Variants in INSC observed in about 807,000 individuals in gnomAD.
The protein encoded by INSC is protein inscuteable homolog.
In INSC, 67 loss-of-function variants were observed where a neutral mutation model predicts 58.6. The ratio of observed to expected loss-of-function variants is 1.14; its 90% CI spans 0.94 to 1.40. INSC has a LOEUF of 1.40. Ranked by LOEUF, INSC falls within the 40% of genes most tolerant of loss-of-function variation. The pLI, the probability that INSC is intolerant of heterozygous loss-of-function variation, is 0.00. For missense variants in INSC, 714 were observed against 692.0 expected (o/e 1.03, Z -0.36); for synonymous variants, 262 against 276.1 (o/e 0.95, Z 0.51).
chr11:15,121,861 A>G (rs1434660847), intron 1 of INSC, among the ~76,000 whole-genome samples: 3 of 152,146 alleles, frequency 2.0e-5, no homozygotes, highest in Non-Finnish European at 2.9e-5. Context: ...AAACTTGATT[A>G]GTGGGAGGCT....
Position 15,180,891 on chromosome 11 carries a change from A to G in INSC, c.579+2444A>G, listed in dbSNP as rs189822969. On this transcript the variant is annotated intron_variant, in intron 5 of 12. Coordinates refer to ENST00000379556, the MANE Select transcript of INSC (RefSeq NM_001042536.3). ...ATCTTTGGCTTCTTTTTATATTAGA[A>G]AGTTTCCATACAGGGCAGCAGTGAC... 2.0e-5 allele frequency among the ~76,000 whole-genome samples: 3 copies of G among 152,266 alleles called. No individual in the cohort carries two copies. In the East Asian group the frequency reaches 5.8e-4, roughly 29 times the overall value.
chr11:15,147,540 C>A (rs144819026), intron 1 of INSC, among the ~76,000 whole-genome samples: 1 of 152,134 alleles, frequency 6.6e-6, no homozygotes, highest in Non-Finnish European at 1.5e-5. Flanking sequence ...TATTATTATC[C>A]TCAGTTACAG....
At chr11:15,159,503 G>T (rs559808384) in intron 2 of INSC, among the ~76,000 whole-genome samples, 150 of 152,318 alleles carry the variant, frequency 9.8e-4, no homozygotes, top group Non-Finnish European at 1.5e-3. Flanking sequence ...CCATGTTACT[G>T]CCATGAAAAT....
At chr11:15,178,492 T>C (rs1179844863) in intron 5 of INSC, 45 bp downstream of exon 5, 1 of 1,586,064 alleles carries the variant, frequency 6.3e-7, no homozygotes, top group Non-Finnish European at 8.5e-7. Context: ...GTGTGGACCC[T>C]TGGAGGAAAG....
intron 1 of INSC, among the ~76,000 whole-genome samples, chr11:15,140,771 G>A (rs1490272616): frequency 2.0e-5 from 3 of 151,748 alleles, no homozygotes; most frequent in African/African-American, 7.3e-5. Flanking sequence ...TTTTTGTAGA[G>A]ATGGGGTCTT....
chr11:15,125,522 A>C (rs534921930), intron 1 of INSC, among the ~76,000 whole-genome samples: 3 of 152,134 alleles, frequency 2.0e-5, no homozygotes, highest in African/African-American at 7.2e-5. Context: ...GGTGGCTAGG[A>C]CCAAGGTCCA....
upstream of INSC, chr11:15,112,647 TGGGGG>T: frequency 8.9e-6 from 1 of 112,230 alleles, no homozygotes; most frequent in Non-Finnish European, 1.5e-5. Context: ...TATTGGGAAG[TGGGGG>T]GGGGGCATTT....
chr11:15,186,531 C>G (rs1849975290), intron 5 of INSC, among the ~76,000 whole-genome samples: 1 of 152,190 alleles, frequency 6.6e-6, no homozygotes, highest in Non-Finnish European at 1.5e-5. Flanking sequence ...AGTTTGGGGT[C>G]TGTCAAAATA....
At chr11:15,257,347 C>T in the INSC span, among the ~76,000 whole-genome samples, 206 of 152,114 alleles carry the variant, frequency 1.4e-3, 2 homozygotes, top group African/African-American at 4.7e-3. Context: ...AGTTTGTCAT[C>T]TAAGTATATC....
At position 15,114,930 on chromosome 11, in the gene INSC, G is replaced by A; in HGVS notation, c.-119G>A. 10 of 985,440 alleles carry A rather than the reference G, an allele frequency of 1.0e-5. No homozygotes were observed. The highest frequency in any genetic ancestry group is 1.7e-5 in the African/African-American group (1 of 57,352). The allele number at this position is 985,440 out of a possible 1,614,324, so 61.0% of individuals were successfully genotyped here. A position where few individuals can be genotyped will look rare whatever the true frequency, so the allele number is the denominator to read the frequency against. On this transcript the variant is annotated 5_prime_UTR_variant, in exon 1 of 13. Coordinates refer to ENST00000379556, the MANE Select transcript of INSC (RefSeq NM_001042536.3). ...TGGGCCGGCAGAGCGGCCACTTTGCGCGCGGCCTCTGGAGCTCCAGCTGCG... is the reference window on the plus strand; with the variant it reads ...TGGGCCGGCAGAGCGGCCACTTTGCACGCGGCCTCTGGAGCTCCAGCTGCG...
Position 15,221,427 on chromosome 11 carries a change from A to G in INSC, c.820-50A>G, listed in dbSNP as rs777200822. On this transcript the variant is annotated intron_variant, in intron 7 of 12. Coordinates refer to ENST00000379556, the MANE Select transcript of INSC (RefSeq NM_001042536.3). ...TATCTGTCTCATTAATGTCATGGGC[A>G]GTGGTGTCCACCCAGGATGCACAGG... 3.9e-6 allele frequency: 6 copies of G among 1,555,178 alleles called. No individual in the cohort carries two copies. In the African/African-American group the frequency reaches 6.8e-5, roughly 18 times the overall value.
At chr11:15,241,365 A>C (rs946410999) in intron 12 of INSC, among the ~76,000 whole-genome samples, 3 of 152,168 alleles carry the variant, frequency 2.0e-5, no homozygotes, top group African/African-American at 7.2e-5. Flanking sequence ...TCCTCAGCCC[A>C]TTTTGAGCTG....
At chr11:15,128,815 C>T (rs1005220241) in intron 1 of INSC, among the ~76,000 whole-genome samples, 2 of 152,214 alleles carry the variant, frequency 1.3e-5, no homozygotes, top group African/African-American at 2.4e-5. Context: ...GCAGCAAGCC[C>T]TCTGTGGCAG....
At chr11:15,161,543 T>C (rs146887313) in intron 2 of INSC, among the ~76,000 whole-genome samples, 1 of 152,176 alleles carries the variant, frequency 6.6e-6, no homozygotes, top group East Asian at 1.9e-4. Context: ...ACAGGAGGCA[T>C]TTTGTAGAGC....
chr11:15,200,449 C>T (rs1042241507), intron 6 of INSC, among the ~76,000 whole-genome samples: 7 of 152,092 alleles, frequency 4.6e-5, no homozygotes, highest in African/African-American at 1.7e-4. Context: ...GACCTGCTTC[C>T]TGTGACTCCA....
intron 9 of INSC, among the ~76,000 whole-genome samples, chr11:15,230,995 T>G (rs1851903876): frequency 6.6e-6 from 1 of 152,154 alleles, no homozygotes; most frequent in Admixed American, 6.5e-5. Context: ...GTCAGTGCCC[T>G]TCTCCTAGTC....
Position 15,230,115 on chromosome 11 carries a change from G to A in INSC, c.1170+4287G>A, listed in dbSNP as rs535090258. Among the ~76,000 whole-genome samples, 57 of 138,358 alleles carry A rather than the reference G, an allele frequency of 4.1e-4. 1 individual carries two copies. Among genetic ancestry groups the A allele is most frequent in the African/African-American group, 1.5e-3 (53 of 36,130 alleles). 90.8% of individuals were successfully genotyped at this position (138,358 alleles called of 152,430 possible). ...TGAGGTGGGAGGATGGCTTGAGCCC[G>A]GGAAATGGAGGTTACAGTGAGCCAA... is the stretch of plus-strand genomic sequence containing the variant. On this transcript the variant is annotated intron_variant, in intron 9 of 12. Transcript: ENST00000379556.
At chr11:15,222,109 C>T (rs917537250) in intron 8 of INSC, among the ~76,000 whole-genome samples, 1 of 152,216 alleles carries the variant, frequency 6.6e-6, no homozygotes, top group African/African-American at 2.4e-5. Flanking sequence ...CTGAAAATCC[C>T]ACCATTGGCC....
chr11:15,229,488 A>C (rs1398808734), intron 9 of INSC, among the ~76,000 whole-genome samples: 1 of 152,184 alleles, frequency 6.6e-6, no homozygotes, highest in Non-Finnish European at 1.5e-5. Context: ...GCCATTTCCC[A>C]GCTATGTGAC....
Sources: gnomAD v4.1 joint callset for allele counts (sites outside exome capture counted in the v4.1 genomes callset) on GRCh38, gnomAD v4.1.1 for gene constraint, MANE v1.5 for transcripts, NCBI Gene and HGNC (gene_info 2026-07-23, HGNC 2026-07-21) for gene names.